MRGPRF: variants seen among roughly 807,000 people sequenced by gnomAD.
MRGPRF encodes the protein mas-related G protein-coupled receptor member F.
Under a neutral mutation model 3.3 loss-of-function variants are expected in MRGPRF, and 2 were observed. The ratio of observed to expected loss-of-function variants is 0.61; its 90% CI spans 0.25 to 1.92. The LOEUF is 1.92. Ranked by LOEUF, MRGPRF falls within the 40% of genes most tolerant of loss-of-function variation. The pLI is 0.16. For missense variants in MRGPRF, 500 were observed against 476.0 expected (o/e 1.05, Z -0.47); for synonymous variants, 242 against 222.7 (o/e 1.09, Z -0.77).
Position 69,005,151 on chromosome 11 carries a change from A to G in MRGPRF, c.*127T>C. ...TGGAGTCCCCAGCCCAGGGAGAAGG[A>G]GGCCCGAGGAGAGGAAACAGATCTT... On this transcript the variant is annotated 3_prime_UTR_variant, in exon 3 of 3. Transcript: ENST00000309099. The G allele has an allele frequency of 8.1e-7, 1 of 1,230,748 alleles. No homozygotes were observed. The highest frequency in any genetic ancestry group is 1.1e-6 in the Non-Finnish European group (1 of 919,874). 76.2% of individuals were successfully genotyped at this position (1,230,748 alleles called of 1,614,324 possible). A position where few individuals can be genotyped will look rare whatever the true frequency, so the allele number is the denominator to read the frequency against.
Position 69,005,062 on chromosome 11 carries a change from G to T in MRGPRF, c.*216C>A, listed in dbSNP as rs556864989. On this transcript the variant is annotated 3_prime_UTR_variant, in exon 3 of 3. Coordinates refer to ENST00000309099, the MANE Select transcript of MRGPRF (RefSeq NM_145015.5). ...AGGTCTCTAGGGGAGCAGAATGGGT[G>T]GGGGAGCCGGGCAGGGGCCACAGGG... is the stretch of plus-strand genomic sequence containing the variant. 6.7e-4 allele frequency: 401 copies of T among 598,948 alleles called. 1 individual carries two copies. Among genetic ancestry groups the T allele is most frequent in the Non-Finnish European group, 1.0e-3 (375 of 360,278 alleles). 37.1% of individuals were successfully genotyped at this position (598,948 alleles called of 1,614,324 possible).
rs1860483240 is a variant in MRGPRF, at chr11:69,006,180, G to A, written c.130C>T (p.Pro44Ser). ...TIEQIAMLPPPAVMNYIFLLL... is the reference protein window; with the variant it reads ...TIEQIAMLPPSAVMNYIFLLL... Reference sequence around the variant, plus strand: ...AGGAAGATGTAGTTCATGACGGCCGGAGGCGGCAGCATCGCGATCTGCTCG... The same window carrying A: ...AGGAAGATGTAGTTCATGACGGCCGAAGGCGGCAGCATCGCGATCTGCTCG... Residue 44 changes from proline to serine, a missense_variant, in exon 3 of 3, where the codon CCG becomes TCG. Pro to Ser is a moderately conservative substitution (Grantham distance 74). Coordinates refer to ENST00000309099, the MANE Select transcript of MRGPRF (RefSeq NM_145015.5). 6.2e-7 allele frequency: 1 copy of A among 1,613,966 alleles called. No homozygotes were observed. The highest frequency in any genetic ancestry group is 8.5e-7 in the Non-Finnish European group (1 of 1,180,038).
At position 69,006,251 on chromosome 11, in the gene MRGPRF, C is replaced by T; in HGVS notation, c.59G>A (p.Gly20Asp). Reference protein sequence around the residue: ...HPGNRNKMCPGLSEAPELYSR... With the variant: ...HPGNRNKMCPDLSEAPELYSR... ...GTAGAGTTCCGGGGCCTCGCTCAGG[C>T]CAGGGCACATCTGCGCAGGTGCAGA... The change falls in exon 3 of 3, where the codon GGC (glycine) becomes GAC (aspartate). Residue 20 changes from glycine (G) to aspartate (D), a missense_variant. Coordinates refer to ENST00000309099, the MANE Select transcript of MRGPRF (RefSeq NM_145015.5). 6.2e-7 allele frequency: 1 copy of T among 1,610,070 alleles called. No homozygotes were observed. Among genetic ancestry groups the T allele is most frequent in the Non-Finnish European group, 8.5e-7 (1 of 1,179,168 alleles).
Position 69,009,872 on chromosome 11 carries a change from A to G in MRGPRF, c.30T>C (p.His10=), listed in dbSNP as rs1253942660. The G allele has an allele frequency of 6.2e-7, 1 of 1,608,820 alleles. No individual in the cohort carries two copies. The highest frequency in any genetic ancestry group is 8.5e-7 in the Non-Finnish European group (1 of 1,179,436). Residue 10 remains histidine (H), a synonymous_variant, in exon 2 of 3, where the codon CAT becomes CAC. Transcript: ENST00000309099. The stretch of plus-strand genomic sequence containing the variant: ...CACTTACCTTGTTCCTGTTGCCGGG[A>G]TGGGCCTCCCAGGAGCAGTTTCCAG... MAGNCSWEA[H]PGNRNKMCPG...
At chr11:69,011,362 C>T (rs527348024) in intron 1 of MRGPRF, among the ~76,000 whole-genome samples, 4 of 152,200 alleles carry the variant, frequency 2.6e-5, no homozygotes, top group East Asian at 1.9e-4. Flanking sequence ...CAGACCGCGC[C>T]GCTCTGCGCC....
chr11:69,005,180 T>C lies in MRGPRF; in HGVS notation c.*98A>G. 1 of 1,372,616 alleles carries C rather than the reference T, an allele frequency of 7.3e-7. No individual in the cohort carries two copies. Among genetic ancestry groups the C allele is most frequent in the Non-Finnish European group, 9.6e-7 (1 of 1,044,484 alleles). The allele number at this position is 1,372,616 out of a possible 1,614,324, so 85.0% of individuals were successfully genotyped here. A position where few individuals can be genotyped will look rare whatever the true frequency, so the allele number is the denominator to read the frequency against. On this transcript the variant is annotated 3_prime_UTR_variant, in exon 3 of 3. Transcript: ENST00000309099. ...CCGAGGAGAGGAAACAGATCTTTCT[T>C]CTCCTGTATGGACTCAGAAGCAGGT...
chr11:69,008,202 C>T (rs1489448233), intron 2 of MRGPRF, among the ~76,000 whole-genome samples: 1 of 152,136 alleles, frequency 6.6e-6, no homozygotes, highest in East Asian at 1.9e-4. Flanking sequence ...TTTAAACATG[C>T]TGTGCAGGCC....
rs753962191 is a variant in MRGPRF at position 69,006,197 on chromosome 11, A to T, written c.113T>A (p.Ile38Asn). 2.5e-6 allele frequency: 4 copies of T among 1,613,776 alleles called. No individual in the cohort carries two copies. The highest frequency in any genetic ancestry group is 2.5e-6 in the Non-Finnish European group (3 of 1,180,030). The change falls in exon 3 of 3, where the codon ATC becomes AAC. Residue 38 changes from isoleucine to asparagine, a missense_variant. By Grantham distance (149) the Ile-to-Asn change is moderately radical. Coordinates refer to ENST00000309099, the MANE Select transcript of MRGPRF (RefSeq NM_145015.5). ...YSRGFLTIEQ[I>N]AMLPPPAVMN... is the part of the protein sequence containing the mutation. Reference sequence around the variant, plus strand: ...GACGGCCGGAGGCGGCAGCATCGCGATCTGCTCGATGGTCAGGAAGCCCCG... The same window carrying T: ...GACGGCCGGAGGCGGCAGCATCGCGTTCTGCTCGATGGTCAGGAAGCCCCG...
In MRGPRF at chr11:69,009,259, T is replaced by A. The variant is rs552891545; in HGVS notation, c.48+595A>T. On this transcript the variant is annotated intron_variant, in intron 2 of 2. Transcript: ENST00000309099. ...AATGCAGAAGAGGATGGATAGGAAT[T>A]CAAGAGATCCTTCGAAGTTGAGAGC... Among the ~76,000 whole-genome samples the A allele has an allele frequency of 2.0e-5, 3 of 152,314 alleles. No individual in the cohort carries two copies. The East Asian group carries it at 5.8e-4, about 29-fold the overall frequency.
rs755137083 is a variant in MRGPRF, at chr11:69,006,273, CAG to C, written c.49-14_49-13del. On this transcript the variant is annotated splice_polypyrimidine_tract_variant and intron_variant, in intron 2 of 2. Transcript: ENST00000309099. ...AGGCCAGGGCACATCTGCGCAGGTG[CAG>C]AGAGGGACACCTGTGATGCCGGCTG... 145 of 1,588,550 alleles carry C rather than the reference CAG, an allele frequency of 9.1e-5. No homozygotes were observed. Among genetic ancestry groups the C allele is most frequent in the Non-Finnish European group, 1.2e-4 (143 of 1,168,538 alleles).
chr11:69,010,905 C>G lies in MRGPRF; in HGVS notation c.-56-948G>C, dbSNP rs370865195. Among the ~76,000 whole-genome samples the G allele has an allele frequency of 4.4e-4, 67 of 152,276 alleles. 1 individual carries two copies. The East Asian group carries it at 5.2e-3, about 12-fold the overall frequency. ...TCACCCCTTGGAGGAAGCTTCTCCC[C>G]GTGAAGCCCTGTGCCCCTTCCCCGC... On this transcript the variant is annotated intron_variant, in intron 1 of 2. Transcript: ENST00000309099.
At chr11:69,011,269 G>A (rs1024978626) in intron 1 of MRGPRF, among the ~76,000 whole-genome samples, 6 of 152,178 alleles carry the variant, frequency 3.9e-5, no homozygotes, top group African/African-American at 1.4e-4. Context: ...GCCTCCCGGA[G>A]CTGGTGGCGC....
chr11:69,009,752 G>T, intron 2 of MRGPRF, 102 bp downstream of exon 2: 2 of 1,405,500 alleles, frequency 1.4e-6, no homozygotes, highest in Non-Finnish European at 2.0e-6. Context: ...TGGAAAGTGG[G>T]GCCAGGAAGG....
At chr11:69,007,009 G>A (rs558020789) in intron 2 of MRGPRF, among the ~76,000 whole-genome samples, 2 of 152,368 alleles carry the variant, frequency 1.3e-5, no homozygotes, top group Admixed American at 6.5e-5. Context: ...AACAACTGCT[G>A]CAGAGGATAT....
At chr11:69,008,753 G>A (rs1439234349) in intron 2 of MRGPRF, among the ~76,000 whole-genome samples, 1 of 152,222 alleles carries the variant, frequency 6.6e-6, no homozygotes, top group East Asian at 1.9e-4. Context: ...TAGACCGTAG[G>A]ATCTGGTGCC....
intron 2 of MRGPRF, 180 bp downstream of exon 2, chr11:69,009,674 A>C (rs1250305883): frequency 2.7e-6 from 2 of 731,892 alleles, no homozygotes; most frequent in South Asian, 1.5e-5. Flanking sequence ...GGAGGGTAGG[A>C]GGGTCCAGGG....
At position 69,006,088 on chromosome 11, in the gene MRGPRF, C is replaced by G. The variant is rs1433447930; in HGVS notation, c.222G>C (p.Lys74Asn). 6.2e-7 allele frequency: 1 copy of G among 1,611,114 alleles called. No individual in the cohort carries two copies. The highest frequency in any genetic ancestry group is 8.5e-7 in the Non-Finnish European group (1 of 1,178,762). The change falls in exon 3 of 3, where the codon AAG becomes AAC. Residue 74 changes from lysine to asparagine, a missense_variant. Physicochemically the swap from Lys to Asn is moderately conservative, Grantham distance 94. Transcript: ENST00000309099. ...LVLWFFGFSI[K>N]RNPFSIYFLH... ...GGAAGTAGATGGAGAAGGGGTTCCT[C>G]TTGATGGAGAAGCCGAAAAACCAGA...
At position 69,005,729 on chromosome 11, in the gene MRGPRF, C is replaced by A; in HGVS notation, c.581G>T (p.Cys194Phe). 1 of 1,550,260 alleles carries A rather than the reference C, an allele frequency of 6.5e-7. No homozygotes were observed. The highest frequency in any genetic ancestry group is 1.2e-5 in the South Asian group (1 of 84,002). ...GCCCAGGAAGATGTCCATGTGCCTG[C>A]AGGCCGCGCCGGGGGCCCCGCGGCC... Reference protein sequence around the residue: ...FLGRGAPGAACRHMDIFLGIL... With the variant: ...FLGRGAPGAAFRHMDIFLGIL... Residue 194 changes from cysteine to phenylalanine, a missense_variant, in exon 3 of 3, where the codon TGC becomes TTC. Transcript: ENST00000309099.
chr11:69,007,359 C>T (rs934250892), intron 2 of MRGPRF, among the ~76,000 whole-genome samples: 3 of 152,166 alleles, frequency 2.0e-5, no homozygotes, highest in East Asian at 1.9e-4. Context: ...AGGCACGCAC[C>T]GCCATGCCTG....
Sources: allele counts gnomAD v4.1 joint callset (sites outside exome capture counted in the v4.1 genomes callset), GRCh38; gene constraint gnomAD v4.1.1; transcripts MANE v1.5; gene names NCBI Gene and HGNC (gene_info 2026-07-23, HGNC 2026-07-21).